USH2A: variants seen among roughly 807,000 people sequenced by gnomAD.
USH2A encodes the protein Usher syndrome 2A (autosomal recessive, mild).
In USH2A, 443 loss-of-function variants were observed where a neutral mutation model predicts 538.9. The ratio of observed to expected loss-of-function variants is 0.82; its 90% CI spans 0.76 to 0.89. The LOEUF (loss-of-function observed/expected upper bound fraction) is 0.89, where lower values mean the gene tolerates loss of function less well. Ranked by LOEUF, USH2A falls within the 40% of genes least tolerant of loss-of-function variation. The pLI is 0.00. For synonymous variants in USH2A, 2,413 were observed against 2,273.5 expected (o/e 1.06, Z -1.75); for missense variants, 6,633 against 6,324.8 (o/e 1.05, Z -1.65).
intron 15 of USH2A, among the ~76,000 whole-genome samples, chr1:216,212,474 A>G (rs1048535089): frequency 3.9e-5 from 6 of 152,168 alleles, no homozygotes; most frequent in African/African-American, 1.4e-4. Context: ...TGCATATGCC[A>G]GACTCTCTTT....
rs865820854 is a variant in USH2A, at chr1:215,970,111, C to G, written c.6957+514G>C. Among the ~76,000 whole-genome samples the G allele has an allele frequency of 1.1e-4, 16 of 152,186 alleles. No homozygotes were observed. In the Middle Eastern group the frequency reaches 0.014, roughly 129 times the overall value. ...ATTTCTGAAATATGAATATCAAAAG[C>G]TGATATTGATGTAATTTTAAATACC... is the stretch of plus-strand genomic sequence containing the variant. On this transcript the variant is annotated intron_variant, in intron 36 of 71. Transcript: ENST00000307340.
At chr1:216,233,352 C>A (rs971441874) in intron 13 of USH2A, among the ~76,000 whole-genome samples, 3 of 152,114 alleles carry the variant, frequency 2.0e-5, no homozygotes, top group African/African-American at 7.2e-5. Context: ...CTCGTGACTT[C>A]CTCAGGCAAC....
chr1:216,105,246 T>C (rs529119944), intron 21 of USH2A, among the ~76,000 whole-genome samples: 52 of 152,280 alleles, frequency 3.4e-4, no homozygotes, highest in African/African-American at 1.3e-3. Flanking sequence ...ATGATCAAGA[T>C]ATTTTCTCAT....
intron 22 of USH2A, among the ~76,000 whole-genome samples, chr1:216,089,702 A>G (rs1161275128): frequency 6.6e-6 from 1 of 152,028 alleles, no homozygotes; most frequent in Non-Finnish European, 1.5e-5. Context: ...TTAAAATCCA[A>G]TAATTATAGT....
intron 4 of USH2A, among the ~76,000 whole-genome samples, chr1:216,344,028 T>G (rs1328144141): frequency 6.6e-6 from 1 of 152,098 alleles, no homozygotes. Context: ...GGACTCACCT[T>G]GAATTCTTTC....
chr1:215,737,491 T>C (rs1426429181), intron 60 of USH2A, among the ~76,000 whole-genome samples: 1 of 151,982 alleles, frequency 6.6e-6, no homozygotes, highest in African/African-American at 2.4e-5. Context: ...AATTATTCTC[T>C]AAATTTTCTG....
At chr1:216,116,665 G>C (rs1319777222) in intron 21 of USH2A, among the ~76,000 whole-genome samples, 1 of 152,026 alleles carries the variant, frequency 6.6e-6, no homozygotes, top group Non-Finnish European at 1.5e-5. Flanking sequence ...TTAAATAATA[G>C]ACTGTTAACT....
chr1:215,687,599 GA>G (rs1405568340), intron 61 of USH2A, among the ~76,000 whole-genome samples: 3 of 151,938 alleles, frequency 2.0e-5, no homozygotes, highest in Admixed American at 6.5e-5. Context: ...AGGAGAAGAG[GA>G]AAAAAATTAA....
At chr1:215,821,020 G>T (rs1571719281) in intron 47 of USH2A, among the ~76,000 whole-genome samples, 2 of 151,516 alleles carry the variant, frequency 1.3e-5, no homozygotes, top group South Asian at 4.1e-4. Context: ...TTCATATTTT[G>T]GCTACTGTGA....
chr1:216,416,921 C>T (rs370597523), intron 3 of USH2A, among the ~76,000 whole-genome samples: 5 of 152,046 alleles, frequency 3.3e-5, no homozygotes, highest in Non-Finnish European at 5.9e-5. Flanking sequence ...TCTATTTCTA[C>T]GTTTTTAATA....
chr1:215,688,350 C>T (rs537458217), intron 61 of USH2A, among the ~76,000 whole-genome samples: 11 of 152,054 alleles, frequency 7.2e-5, no homozygotes, highest in African/African-American at 2.7e-4. Context: ...ATCCTGGAGG[C>T]CAAGGTAAAG....
intron 16 of USH2A, chr1:216,201,695 G>C (rs2035004769): frequency 4.8e-6 from 1 of 208,046 alleles, no homozygotes; most frequent in South Asian, 1.0e-4. Flanking sequence ...TGTTGTGGGG[G>C]GCACCTTGGG....
chr1:215,753,574 C>G (rs529466120), intron 58 of USH2A, among the ~76,000 whole-genome samples: 1 of 152,168 alleles, frequency 6.6e-6, no homozygotes, highest in East Asian at 1.9e-4. Context: ...AAAAACCAAA[C>G]ACCACATGTT....
At chr1:216,154,755 T>G (rs1272549389) in intron 21 of USH2A, among the ~76,000 whole-genome samples, 3 of 152,232 alleles carry the variant, frequency 2.0e-5, no homozygotes, top group Admixed American at 2.0e-4. Context: ...AGTGTTCTTC[T>G]GCTCTTTCCT....
chr1:216,333,433 A>T (rs1051255029), intron 4 of USH2A, among the ~76,000 whole-genome samples: 2 of 152,096 alleles, frequency 1.3e-5, no homozygotes, highest in African/African-American at 4.8e-5. Context: ...AAAGAGAAAG[A>T]ATGTTGAGAA....
intron 61 of USH2A, among the ~76,000 whole-genome samples, chr1:215,706,565 A>G (rs975432585): frequency 6.6e-6 from 1 of 152,168 alleles, no homozygotes; most frequent in African/African-American, 2.4e-5. Context: ...ACCAGGCTCC[A>G]AACGGGTTAA....
chr1:215,792,901 A>T (rs1464361297), intron 50 of USH2A, among the ~76,000 whole-genome samples: 1 of 152,196 alleles, frequency 6.6e-6, no homozygotes, highest in Non-Finnish European at 1.5e-5. Context: ...TTAAATTTGT[A>T]CAAAAGGTGG....
intron 45 of USH2A, among the ~76,000 whole-genome samples, chr1:215,845,101 G>A (rs527274532): frequency 3.9e-4 from 60 of 152,056 alleles, no homozygotes; most frequent in Non-Finnish European, 6.5e-4. Flanking sequence ...AAATAACTAT[G>A]CAAAGACCTA....
chr1:215,640,793 T>G, intron 67 of USH2A, 59 bp from the exon 68 acceptor site: 1 of 1,551,212 alleles, frequency 6.4e-7, no homozygotes, highest in Non-Finnish European at 8.8e-7. Flanking sequence ...AGTGCAGGTG[T>G]GCACTTTAAA....
Sources: gnomAD v4.1 joint callset for allele counts (sites outside exome capture counted in the v4.1 genomes callset) on GRCh38, gnomAD v4.1.1 for gene constraint, MANE v1.5 for transcripts, NCBI Gene and HGNC (gene_info 2026-07-23, HGNC 2026-07-21) for gene names.